The following FAM83B variants were observed in gnomAD, a reference collection of about 807,000 sequenced individuals.
The protein encoded by FAM83B is scaffolding CK1 anchoring protein B.
Under a neutral mutation model 38.8 loss-of-function variants are expected in FAM83B, and 26 were observed. That is an observed-to-expected ratio of 0.67 (90% CI 0.49 to 0.93). FAM83B has a LOEUF of 0.93. FAM83B is among the 40% of genes least tolerant of loss of function. The pLI is 0.00. For synonymous variants in FAM83B, 419 were observed against 423.1 expected, an observed-to-expected ratio of 0.99 and a Z score of 0.12; for missense variants, 1,237 against 1,197.3, an observed-to-expected ratio of 1.03 and a Z score of -0.49.
chr6:54,855,888 A>T (rs1015837634), intron 1 of FAM83B, among the ~76,000 whole-genome samples: 1 of 152,240 alleles, frequency 6.6e-6, no homozygotes, highest in African/African-American at 2.4e-5. Context: ...TAATGTAACA[A>T]TGTAGAAATT....
intron 1 of FAM83B, among the ~76,000 whole-genome samples, chr6:54,861,817 G>A (rs1455966849): frequency 6.6e-6 from 1 of 152,134 alleles, no homozygotes; most frequent in Non-Finnish European, 1.5e-5. Context: ...AAAGGCCTGA[G>A]TAACTCACCG....
intron 4 of FAM83B, among the ~76,000 whole-genome samples, chr6:54,937,172 C>T (rs1773539453): frequency 6.6e-6 from 1 of 151,464 alleles, no homozygotes; most frequent in Non-Finnish European, 1.5e-5. Flanking sequence ...CCCATTGTGT[C>T]ATATACATTA....
Position 54,870,739 on chromosome 6 carries a change from G to C in FAM83B, c.444+49G>C, listed in dbSNP as rs541144839. 2.7e-6 allele frequency: 4 copies of C among 1,467,524 alleles called. No homozygotes were observed. In the Admixed American group the frequency reaches 8.8e-5, roughly 32 times the overall value. The allele number at this position is 1,467,524 out of a possible 1,614,324, so 90.9% of individuals were successfully genotyped here. On this transcript the variant is annotated intron_variant, in intron 2 of 4. Coordinates refer to ENST00000306858, the MANE Select transcript of FAM83B (RefSeq NM_001010872.3). ...TGAAAAATTTGAAACATGTAGAAAA[G>C]TAGAGAGAGTAATAACACAAATATG...
At position 54,926,341 on chromosome 6, in the gene FAM83B, A is replaced by C. The variant is rs775399556; in HGVS notation, c.445-30A>C. The C allele has an allele frequency of 4.2e-6, 6 of 1,438,892 alleles. No individual in the cohort carries two copies. The South Asian group carries it at 8.5e-5, about 20-fold the overall frequency. 89.1% of individuals were successfully genotyped at this position (1,438,892 alleles called of 1,614,324 possible). ...TTAAATCTTTCTCTATCAAGGATCT[A>C]AAATTGTTTCATATTCTTATATTTA... On this transcript the variant is annotated intron_variant, in intron 2 of 4. Transcript: ENST00000306858.
intron 2 of FAM83B, among the ~76,000 whole-genome samples, chr6:54,912,415 C>T (rs1227659731): frequency 6.7e-6 from 1 of 148,458 alleles, no homozygotes; most frequent in Non-Finnish European, 1.5e-5. Context: ...CATAATTTCC[C>T]CAGCCAAAAA....
intron 4 of FAM83B, among the ~76,000 whole-genome samples, chr6:54,928,833 A>C (rs1293677437): frequency 6.6e-6 from 1 of 152,078 alleles, no homozygotes; most frequent in Admixed American, 6.6e-5. Flanking sequence ...TTTGACAGTA[A>C]ATTTACCTCA....
At chr6:54,883,764 GT>G (rs35604389) in intron 2 of FAM83B, among the ~76,000 whole-genome samples, 47 of 149,442 alleles carry the variant, frequency 3.1e-4, no homozygotes, top group South Asian at 4.2e-4. Flanking sequence ...TCTGATAATG[GT>G]TTTTTTTTTT....
At chr6:54,905,712 T>C (rs2127583130) in intron 2 of FAM83B, among the ~76,000 whole-genome samples, 1 of 152,214 alleles carries the variant, frequency 6.6e-6, no homozygotes, top group South Asian at 2.1e-4. Context: ...GGCTAAAACT[T>C]ATATGTTAAC....
At chr6:54,915,576 G>T (rs1773016072) in intron 2 of FAM83B, among the ~76,000 whole-genome samples, 1 of 91,314 alleles carries the variant, frequency 1.1e-5, no homozygotes, top group African/African-American at 7.4e-5. Context: ...GGAGGCCGAG[G>T]CGGGTGGATC....
At chr6:54,902,229 T>C (rs1242143303) in intron 2 of FAM83B, among the ~76,000 whole-genome samples, 6 of 152,184 alleles carry the variant, frequency 3.9e-5, no homozygotes, top group Non-Finnish European at 8.8e-5. Flanking sequence ...TTTGCAAATT[T>C]ATAAATTATG....
intron 1 of FAM83B, among the ~76,000 whole-genome samples, chr6:54,853,906 G>A (rs1237363114): frequency 6.6e-6 from 1 of 152,178 alleles, no homozygotes; most frequent in African/African-American, 2.4e-5. Context: ...CATTCTACAT[G>A]CCATTAAGAA....
At chr6:54,894,581 C>G (rs1430432498) in intron 2 of FAM83B, among the ~76,000 whole-genome samples, 1 of 152,116 alleles carries the variant, frequency 6.6e-6, no homozygotes, top group African/African-American at 2.4e-5. Context: ...TCTATGCCAT[C>G]TTAGGGAACC....
At chr6:54,847,781 C>T (rs761362943) in intron 1 of FAM83B, among the ~76,000 whole-genome samples, 3 of 152,002 alleles carry the variant, frequency 2.0e-5, no homozygotes, top group Non-Finnish European at 4.4e-5. Context: ...ATGCTCGGAG[C>T]GGTGAAGTTA....
rs1773625741 is a variant in FAM83B at position 54,940,035 on chromosome 6, G to A, written c.1064G>A (p.Ser355Asn). 1 of 1,613,982 alleles carries A rather than the reference G, an allele frequency of 6.2e-7. No homozygotes were observed. The highest frequency in any genetic ancestry group is 8.5e-7 in the Non-Finnish European group (1 of 1,179,970). The change falls in exon 5 of 5, where the codon AGT becomes AAT. Residue 355 changes from serine to asparagine, a missense_variant. Physicochemically the swap from Ser to Asn is conservative, Grantham distance 46. Transcript: ENST00000306858. Reference sequence around the variant, plus strand: ...GAACATGACAAATATAACATAAGAAGTCACGGATACAAACCTCATTTTGTT... The same window carrying A: ...GAACATGACAAATATAACATAAGAAATCACGGATACAAACCTCATTTTGTT... The part of the protein sequence containing the change: ...LNEHDKYNIR[S>N]HGYKPHFVPN...
Position 54,861,001 on chromosome 6 carries a change from A to T in FAM83B, c.-60-9186A>T, listed in dbSNP as rs1771569769. ...TTCATGTTATGGTCTTGAACTCATG[A>T]CCTCAGGTGATCTGCTTGCCTTGGC... On this transcript the variant is annotated intron_variant, in intron 1 of 4. Transcript: ENST00000306858. Among the ~76,000 whole-genome samples, 7 of 152,242 alleles carry T rather than the reference A, an allele frequency of 4.6e-5. No homozygotes were observed. In the South Asian group the frequency reaches 1.2e-3, roughly 27 times the overall value.
At chr6:54,906,596 G>A (rs371622019) in intron 2 of FAM83B, among the ~76,000 whole-genome samples, 2 of 152,178 alleles carry the variant, frequency 1.3e-5, no homozygotes, top group East Asian at 3.9e-4. Context: ...AGTTGGCCAG[G>A]CTGGTCTTTC....
chr6:54,921,998 C>A (rs1427562150), intron 2 of FAM83B, among the ~76,000 whole-genome samples: 1 of 152,054 alleles, frequency 6.6e-6, no homozygotes, highest in Admixed American at 6.6e-5. Flanking sequence ...GAAACAGAAG[C>A]CCTGAAAAGC....
chr6:54,866,134 T>C (rs978247250), intron 1 of FAM83B, among the ~76,000 whole-genome samples: 5 of 151,698 alleles, frequency 3.3e-5, no homozygotes, highest in African/African-American at 1.2e-4. Flanking sequence ...TTCATAGTAA[T>C]TGATGAAGCA....
chr6:54,924,567 A>C (rs940833254), intron 2 of FAM83B, among the ~76,000 whole-genome samples: 1 of 151,548 alleles, frequency 6.6e-6, no homozygotes, highest in Non-Finnish European at 1.5e-5. Context: ...TTACAAATGC[A>C]CTGTCTTTAT....
Sources: gnomAD v4.1 joint callset for allele counts (sites outside exome capture counted in the v4.1 genomes callset) on GRCh38, gnomAD v4.1.1 for gene constraint, MANE v1.5 for transcripts, NCBI Gene and HGNC (gene_info 2026-07-23, HGNC 2026-07-21) for gene names.